AMPD3: variants seen among roughly 807,000 people sequenced by gnomAD.
The protein encoded by AMPD3 is adenosine monophosphate deaminase 3, also known as AMP deaminase 3.
Under a neutral mutation model 82.3 loss-of-function variants are expected in AMPD3, and 57 were observed. The ratio of observed to expected loss-of-function variants is 0.69; its 90% CI spans 0.56 to 0.86. The LOEUF is 0.86. Ranked by LOEUF, AMPD3 falls within the 40% of genes least tolerant of loss-of-function variation. AMPD3 has a pLI of 0.00. For synonymous variants in AMPD3, 381 were observed against 394.7 expected (o/e 0.97, Z 0.41); for missense variants, 870 against 1,003.8 (o/e 0.87, Z 1.80).
chr11:10,500,557 A>ACC (rs1474805754), intron 11 of AMPD3: 2 of 967,068 alleles, frequency 2.1e-6, no homozygotes, highest in Non-Finnish European at 2.5e-6. Context: ...ATGTACACAC[A>ACC]CCAGGGCACA....
intron 2 of AMPD3, among the ~76,000 whole-genome samples, chr11:10,467,906 G>T (rs1297623850): frequency 6.6e-6 from 1 of 151,142 alleles, no homozygotes; most frequent in Non-Finnish European, 1.5e-5. Flanking sequence ...AATTTCATAT[G>T]CAGCCAAACA....
rs139315187 is a variant in AMPD3, at chr11:10,496,913, G to A, written c.1532G>A (p.Arg511Gln). ...FKATINPQDHRELHLFLKYVT... is the reference protein window; with the variant it reads ...FKATINPQDHQELHLFLKYVT... Reference sequence around the variant, plus strand: ...GCCACTATCAACCCCCAAGATCATCGAGAGCTTCACCTCTTCCTTAAATAT... The same window carrying A: ...GCCACTATCAACCCCCAAGATCATCAAGAGCTTCACCTCTTCCTTAAATAT... Residue 511 changes from arginine (R) to glutamine (Q), a missense_variant, in exon 10 of 15, where the codon CGA (arginine) becomes CAA (glutamine). Physicochemically the swap from Arg to Gln is conservative, Grantham distance 43 (BLOSUM62 1). Coordinates refer to ENST00000396553, the MANE Select transcript of AMPD3 (RefSeq NM_001025389.2). 3.5e-5 allele frequency: 57 copies of A among 1,613,972 alleles called. 1 individual carries two copies. In the African/African-American group the frequency reaches 3.9e-4, roughly 11 times the overall value.
At chr11:10,451,859 C>T (rs537624345), upstream of AMPD3, among the ~76,000 whole-genome samples, 1 of 152,318 alleles carries the variant, frequency 6.6e-6, no homozygotes, top group Non-Finnish European at 1.5e-5. Context: ...GAAATTCTTT[C>T]CCTGGCTGTG....
chr11:10,484,322 G>A (rs1564848452), intron 4 of AMPD3: 1 of 985,260 alleles, frequency 1.0e-6, no homozygotes. Flanking sequence ...GCTCCTTTGG[G>A]GAGGGAGTGG....
Position 10,493,406 on chromosome 11 carries a change from A to G in AMPD3, c.997A>G (p.Ile333Val), listed in dbSNP as rs754541053. 1 of 1,614,242 alleles carries G rather than the reference A, an allele frequency of 6.2e-7. No individual in the cohort carries two copies. Among genetic ancestry groups the G allele is most frequent in the South Asian group, 1.1e-5 (1 of 91,086 alleles). Residue 333 changes from isoleucine to valine, a missense_variant, in exon 7 of 15, where the codon ATC becomes GTC. Transcript: ENST00000396553. ...GAACCAAAAGCATCTGCTGCGCTTCATCAAGCACACATACCAGACGGAGCC... is the reference window on the plus strand; with the variant it reads ...GAACCAAAAGCATCTGCTGCGCTTCGTCAAGCACACATACCAGACGGAGCC... Reference protein sequence around the residue: ...CMNQKHLLRFIKHTYQTEPDR... With the variant: ...CMNQKHLLRFVKHTYQTEPDR...
At chr11:10,501,160 T>C in intron 11 of AMPD3, 1 of 985,340 alleles carries the variant, frequency 1.0e-6, no homozygotes, top group Non-Finnish European at 1.2e-6. Flanking sequence ...CCTTCCCTGC[T>C]CTGGAGTTCT....
intron 2 of AMPD3, among the ~76,000 whole-genome samples, chr11:10,464,312 T>C (rs1278920945): frequency 1.3e-5 from 2 of 152,234 alleles, no homozygotes; most frequent in Non-Finnish European, 2.9e-5. Flanking sequence ...ATCAAATGGA[T>C]ATTCTTAGTA....
Position 10,456,414 on chromosome 11 carries a change from G to A in AMPD3, c.-6+966G>A. 1 of 1,613,786 alleles carries A rather than the reference G, an allele frequency of 6.2e-7. No individual in the cohort carries two copies. Among genetic ancestry groups the A allele is most frequent in the Non-Finnish European group, 8.5e-7 (1 of 1,179,708 alleles). ...GGAGCCAGGCTCAGGTCTGTGTCGG[G>A]GCTTCTGCAAGGGGAGTCTGGCAAG... On this transcript the variant is annotated intron_variant, in intron 1 of 14. Coordinates refer to ENST00000396553, the MANE Select transcript of AMPD3 (RefSeq NM_001025389.2). This position sits in a 1 kb window ranked among gnomAD's most constrained non-coding sequence, Gnocchi z 4.3.
At chr11:10,488,604 C>A (rs1344872333) in intron 6 of AMPD3, among the ~76,000 whole-genome samples, 1 of 152,086 alleles carries the variant, frequency 6.6e-6, no homozygotes, top group Non-Finnish European at 1.5e-5. Context: ...GGTCCTGGAT[C>A]ATGCAGGGGC....
intron 6 of AMPD3, among the ~76,000 whole-genome samples, chr11:10,490,847 C>T (rs909415243): frequency 6.6e-6 from 1 of 152,188 alleles, no homozygotes; most frequent in Non-Finnish European, 1.5e-5. Context: ...CCACGTGAGC[C>T]CAGCCTCATC....
At chr11:10,502,646 C>T (rs1849611263) in intron 12 of AMPD3, 75 bp from the exon 13 acceptor site, 1 of 1,596,256 alleles carries the variant, frequency 6.3e-7, no homozygotes, top group Non-Finnish European at 8.5e-7. Flanking sequence ...ATGCTTCTTC[C>T]CTTCCTTTCT....
At chr11:10,489,326 G>A (rs187117336) in intron 6 of AMPD3, among the ~76,000 whole-genome samples, 3 of 152,322 alleles carry the variant, frequency 2.0e-5, no homozygotes, top group African/African-American at 7.2e-5. Context: ...AATGCTCTGG[G>A]CTTACCTGCT....
chr11:10,451,010 T>C (rs1042329398), upstream of AMPD3: 2 of 1,579,460 alleles, frequency 1.3e-6, no homozygotes, highest in Non-Finnish European at 1.7e-6. Context: ...GCCGTCCCTT[T>C]CGGCCGGCGG....
intron 11 of AMPD3, 78 bp from the exon 12 acceptor site, chr11:10,501,392 C>A (rs1849575670): frequency 1.3e-6 from 2 of 1,586,142 alleles, no homozygotes; most frequent in Non-Finnish European, 1.7e-6. Context: ...CCGGAGCTGG[C>A]CCTGAGCTGT....
chr11:10,477,332 C>T (rs1336860569), intron 2 of AMPD3, among the ~76,000 whole-genome samples: 2 of 152,148 alleles, frequency 1.3e-5, no homozygotes, highest in African/African-American at 4.8e-5. Flanking sequence ...CAAGGTAGGG[C>T]AGGTGGTCAG....
chr11:10,501,800 C>T, intron 12 of AMPD3: 1 of 984,488 alleles, frequency 1.0e-6, no homozygotes, highest in Non-Finnish European at 1.2e-6. Flanking sequence ...AAAAAGCCAG[C>T]CCTTATGCTA....
chr11:10,482,110 C>T lies in AMPD3; in HGVS notation c.474C>T (p.Ala158=), dbSNP rs779278244. The T allele has an allele frequency of 6.2e-7, 1 of 1,614,178 alleles. No homozygotes were observed. The highest frequency in any genetic ancestry group is 8.5e-7 in the Non-Finnish European group (1 of 1,180,040). The change falls in exon 4 of 15, where the codon GCC becomes GCT. Residue 158 remains alanine, a synonymous_variant. Transcript: ENST00000396553. ...AGGCAGCCAAGAGTCTGGCCAAGGCCCTAATGATCCGGGAGAAGTATGCGC... is the reference window on the plus strand; with the variant it reads ...AGGCAGCCAAGAGTCTGGCCAAGGCTCTAATGATCCGGGAGAAGTATGCGC... ...YEQAAKSLAK[A]LMIREKYARL...
At chr11:10,481,457 T>G (rs1026569279) in intron 3 of AMPD3, 18 of 985,290 alleles carry the variant, frequency 1.8e-5, no homozygotes, top group Non-Finnish European at 2.0e-5. Context: ...CTTCTGGGTG[T>G]GCAGGCTGGA....
intron 6 of AMPD3, among the ~76,000 whole-genome samples, chr11:10,491,442 G>C (rs1008410716): frequency 3.3e-5 from 5 of 152,120 alleles, no homozygotes; most frequent in African/African-American, 4.8e-5. Context: ...TAATGAAGAG[G>C]GTTCAGTAAC....
Sources: gnomAD v4.1 joint callset for allele counts (sites outside exome capture counted in the v4.1 genomes callset) on GRCh38, gnomAD v4.1.1 for gene constraint, Gnocchi (gnomAD v3.1) non-coding constraint, MANE v1.5 for transcripts, NCBI Gene and HGNC (gene_info 2026-07-23, HGNC 2026-07-21) for gene names.